TINAGL1: variants seen among roughly 807,000 people sequenced by gnomAD.
The protein encoded by TINAGL1 is tubulointerstitial nephritis antigen like 1.
In TINAGL1, 34 loss-of-function variants were observed where a neutral mutation model predicts 62.0. That is an observed-to-expected ratio of 0.55 (90% confidence interval 0.42 to 0.73). The LOEUF is 0.73. Among genes scored for constraint, TINAGL1 ranks in the 30% least tolerant of loss-of-function variants. TINAGL1 has a pLI of 0.00. For synonymous variants in TINAGL1, 221 were observed against 249.7 expected, an observed-to-expected ratio of 0.88 and a Z score of 1.08; for missense variants, 516 against 653.2, an observed-to-expected ratio of 0.79 and a Z score of 2.29.
Position 31,583,373 on chromosome 1 carries a change from C to T in TINAGL1, c.468-88C>T. On this transcript the variant is annotated intron_variant, in intron 4 of 11. Transcript: ENST00000271064. The surrounding 1 kb of genome is among the most constrained non-coding windows in gnomAD (Gnocchi z 4.4). ...ATTTGACTGTGTGTGCGCTCAGCCACTGTGCGTCTCTCCCACCCACATGCA... is the reference window on the plus strand; with the variant it reads ...ATTTGACTGTGTGTGCGCTCAGCCATTGTGCGTCTCTCCCACCCACATGCA... 1 of 1,464,968 alleles carries T rather than the reference C, an allele frequency of 6.8e-7. No individual in the cohort carries two copies. The highest frequency in any genetic ancestry group is 2.4e-5 in the East Asian group (1 of 42,376). 90.7% of individuals were successfully genotyped at this position (1,464,968 alleles called of 1,614,324 possible).
At position 31,584,897 on chromosome 1, in the gene TINAGL1, G is replaced by C. The variant is rs368629759; in HGVS notation, c.718G>C (p.Asp240His). Residue 240 changes from aspartate (D) to histidine (H), a missense_variant, in exon 7 of 12, where the codon GAT becomes CAT. Coordinates refer to ENST00000271064, the MANE Select transcript of TINAGL1 (RefSeq NM_022164.3). The surrounding 1 kb of genome is among the most constrained non-coding windows in gnomAD (Gnocchi z 4.0). The stretch of plus-strand genomic sequence containing the variant: ...TCTCACCCCACCAGCTGTGGCATCC[G>C]ATCGTGTCTCAATCCATTCTCTGGG... Reference protein sequence around the residue: ...WAFSTAAVASDRVSIHSLGHM... With the variant: ...WAFSTAAVASHRVSIHSLGHM... 1 of 1,610,352 alleles carries C rather than the reference G, an allele frequency of 6.2e-7. No homozygotes were observed. Among genetic ancestry groups the C allele is most frequent in the Non-Finnish European group, 8.5e-7 (1 of 1,177,014 alleles).
intron 3 of TINAGL1, chr1:31,580,514 C>T: frequency 7.8e-7 from 1 of 1,289,252 alleles, no homozygotes; most frequent in South Asian, 1.2e-5. Flanking sequence ...AGAGGGGGAA[C>T]AGCCTGGTGT....
intron 3 of TINAGL1, chr1:31,580,728 CAG>C (rs1242089267): frequency 2.4e-6 from 3 of 1,262,034 alleles, no homozygotes; most frequent in East Asian, 1.1e-4. Context: ...CTTGTAATAA[CAG>C]AGTTATGAGC....
chr1:31,577,325 C>A lies in TINAGL1; in HGVS notation c.177C>A (p.Ala59=). The change falls in exon 2 of 12, where the codon GCC becomes GCA. Residue 59 remains alanine (A), a synonymous_variant. Coordinates refer to ENST00000271064, the MANE Select transcript of TINAGL1 (RefSeq NM_022164.3). This position sits in a 1 kb window ranked among gnomAD's most constrained non-coding sequence, Gnocchi z 5.4. ...AGGACCTGTGCTGCCGCGGCCGTGC[C>A]GACGACTGTGCCCTGCCCTACCTGG... is the stretch of plus-strand genomic sequence containing the variant. ...QEQDLCCRGR[A]DDCALPYLGA... 6.2e-7 allele frequency: 1 copy of A among 1,613,844 alleles called. No individual in the cohort carries two copies. The highest frequency in any genetic ancestry group is 8.5e-7 in the Non-Finnish European group (1 of 1,180,024).
In TINAGL1 at chr1:31,583,559, A is replaced by G. The variant is rs752813475; in HGVS notation, c.566A>G (p.Asn189Ser). Residue 189 changes from asparagine to serine, a missense_variant, in exon 5 of 12, where the codon AAC becomes AGC. By Grantham distance (46) the Asn-to-Ser change is conservative. Transcript: ENST00000271064. The surrounding 1 kb of genome is among the most constrained non-coding windows in gnomAD (Gnocchi z 4.4). Reference sequence around the variant, plus strand: ...ATCCGCCCATCTTCCTCGGTCATGAACATGCATGAAATTTATGTAAGTCCA... The same window carrying G: ...ATCCGCCCATCTTCCTCGGTCATGAGCATGCATGAAATTTATGTAAGTCCA... ...GTIRPSSSVM[N>S]MHEIYTVLNP... The G allele has an allele frequency of 6.2e-7, 1 of 1,613,464 alleles. No homozygotes were observed. Among genetic ancestry groups the G allele is most frequent in the South Asian group, 1.1e-5 (1 of 90,896 alleles).
At chr1:31,582,108 T>A (rs1291813389) in intron 3 of TINAGL1, among the ~76,000 whole-genome samples, 2 of 152,062 alleles carry the variant, frequency 1.3e-5, no homozygotes, top group African/African-American at 4.8e-5. Context: ...GGCGGGTGGA[T>A]CACTTGAGGC....
chr1:31,577,642 T>C lies in TINAGL1; in HGVS notation c.310+184T>C. On this transcript the variant is annotated intron_variant, in intron 2 of 11. Transcript: ENST00000271064. This position sits in a 1 kb window ranked among gnomAD's most constrained non-coding sequence, Gnocchi z 5.4. ...ACTGAAGAAGCTCCTTGGTTAGAAT[T>C]CTAATTTGGCCCAGGGAAAGGGCAA... 1 of 694,784 alleles carries C rather than the reference T, an allele frequency of 1.4e-6. No individual in the cohort carries two copies. Among genetic ancestry groups the C allele is most frequent in the Non-Finnish European group, 2.3e-6 (1 of 436,184 alleles). The allele number at this position is 694,784 out of a possible 1,614,324, so 43.0% of individuals were successfully genotyped here.
At chr1:31,579,338 C>A in intron 3 of TINAGL1, 71 bp downstream of exon 3, 1 of 1,378,928 alleles carries the variant, frequency 7.3e-7, no homozygotes, top group Non-Finnish European at 1.0e-6. Flanking sequence ...CAAATCTTAT[C>A]CCTGACCCCT....
chr1:31,582,348 A>T (rs1285577641), intron 3 of TINAGL1, among the ~76,000 whole-genome samples: 1 of 151,308 alleles, frequency 6.6e-6, no homozygotes, highest in Non-Finnish European at 1.5e-5. Flanking sequence ...GCGGGGAGGA[A>T]GGGGAGCAGG....
Position 31,584,827 on chromosome 1 carries a change from C to A in TINAGL1, c.706+26C>A, listed in dbSNP as rs1253232035. The A allele has an allele frequency of 3.7e-6, 6 of 1,614,220 alleles. No homozygotes were observed. The highest frequency in any genetic ancestry group is 5.1e-6 in the Non-Finnish European group (6 of 1,179,998). On this transcript the variant is annotated intron_variant, in intron 6 of 11. Transcript: ENST00000271064. The surrounding 1 kb of genome is among the most constrained non-coding windows in gnomAD (Gnocchi z 4.0). ...GTAAGCCAAGGGCAAGGGCTGGCGC[C>A]TGGGAGAGGAGGGCCAAGTCCTGAG...
chr1:31,577,199 C>T lies in TINAGL1; in HGVS notation c.51C>T (p.His17=), dbSNP rs925600756. The change falls in exon 2 of 12, where the codon CAC becomes CAT. Residue 17 remains histidine, a synonymous_variant. Coordinates refer to ENST00000271064, the MANE Select transcript of TINAGL1 (RefSeq NM_022164.3). This position sits in a 1 kb window ranked among gnomAD's most constrained non-coding sequence, Gnocchi z 5.4. ...TGCTGTTGCTGCCGCTGGCTGGCCA[C>T]TTGGCTCTGGGTGCCCAGCAGGGTC... ...GLLLLLPLAG[H]LALGAQQGRG... 1.9e-6 allele frequency: 3 copies of T among 1,591,402 alleles called. No individual in the cohort carries two copies. Among genetic ancestry groups the T allele is most frequent in the Non-Finnish European group, 2.6e-6 (3 of 1,170,380 alleles).
At position 31,576,560 on chromosome 1, in the gene TINAGL1, C is replaced by A. The variant is rs1239456550; in HGVS notation, c.-51C>A. ...CGCAGAGCCAGGAGGCGGAGGCGCGCGGGCCAGCCTGGGCCCCAGCCCACA... is the reference window on the plus strand; with the variant it reads ...CGCAGAGCCAGGAGGCGGAGGCGCGAGGGCCAGCCTGGGCCCCAGCCCACA... On this transcript the variant is annotated 5_prime_UTR_variant, in exon 1 of 12. Transcript: ENST00000271064. The surrounding 1 kb of genome is among the most constrained non-coding windows in gnomAD (Gnocchi z 5.1). The A allele has an allele frequency of 6.6e-6, 1 of 152,394 alleles. No homozygotes were observed. The highest frequency in any genetic ancestry group is 1.5e-5 in the Non-Finnish European group (1 of 68,204). 9.4% of individuals were successfully genotyped at this position (152,394 alleles called of 1,614,324 possible). A position where few individuals can be genotyped will look rare whatever the true frequency, so the allele number is the denominator to read the frequency against.
rs1405629170 is a variant in TINAGL1, at chr1:31,585,953, T to TA, written c.1217+78dup. ...GGCTCTGGAGCCTGCCTTGGGTTCT[T>TA]ACAACCTCTCTAAAAAGCCAGGACT... On this transcript the variant is annotated intron_variant, in intron 10 of 11. Transcript: ENST00000271064. This position sits in a 1 kb window ranked among gnomAD's most constrained non-coding sequence, Gnocchi z 4.3. The TA allele has an allele frequency of 3.4e-6, 5 of 1,466,468 alleles. No homozygotes were observed. The highest frequency in any genetic ancestry group is 4.5e-6 in the Non-Finnish European group (5 of 1,105,220). 90.8% of individuals were successfully genotyped at this position (1,466,468 alleles called of 1,614,324 possible).
In TINAGL1 at chr1:31,584,457, A is replaced by ACCC; in HGVS notation, c.583-219_583-217dup. 1.3e-5 allele frequency: 7 copies of ACCC among 537,876 alleles called. No individual in the cohort carries two copies. The highest frequency in any genetic ancestry group is 1.1e-3 in the Middle Eastern group (2 of 1,782). 33.3% of individuals were successfully genotyped at this position (537,876 alleles called of 1,614,324 possible). A position where few individuals can be genotyped will look rare whatever the true frequency, so the allele number is the denominator to read the frequency against. ...GGAAGCAGGACTAGTCACCACCGCC[A>ACCC]CCCCGCCCCGCCCCACCACCTGATA... On this transcript the variant is annotated intron_variant, in intron 5 of 11. Transcript: ENST00000271064. This position sits in a 1 kb window ranked among gnomAD's most constrained non-coding sequence, Gnocchi z 4.0.
Position 31,584,675 on chromosome 1 carries a change from C to A in TINAGL1, c.583-3C>A. The A allele has an allele frequency of 6.2e-7, 1 of 1,613,240 alleles. No individual in the cohort carries two copies. The highest frequency in any genetic ancestry group is 1.3e-5 in the African/African-American group (1 of 75,042). On this transcript the variant is annotated splice_region_variant and splice_polypyrimidine_tract_variant and intron_variant, in intron 5 of 11. Coordinates refer to ENST00000271064, the MANE Select transcript of TINAGL1 (RefSeq NM_022164.3). The surrounding 1 kb of genome is among the most constrained non-coding windows in gnomAD (Gnocchi z 4.0). ...GGCAGACAGGGCAACCTTTATCTTG[C>A]AGACAGTGCTGAACCCAGGGGAGGT...
At chr1:31,580,462 G>C in intron 3 of TINAGL1, 1 of 1,289,300 alleles carries the variant, frequency 7.8e-7, no homozygotes, top group Non-Finnish European at 1.0e-6. Context: ...GCCCTCAAAG[G>C]ATGCTTCCAG....
chr1:31,586,996 CG>C lies in TINAGL1; in HGVS notation c.*21del. On this transcript the variant is annotated 3_prime_UTR_variant, in exon 12 of 12. Transcript: ENST00000271064. ...CATCACTGAGGCTGCGGGCACCACG[CG>C]GGGTCCGGCCTGGGATCCAGGCTAA... is the stretch of plus-strand genomic sequence containing the variant. 6.9e-7 allele frequency: 1 copy of C among 1,455,924 alleles called. No homozygotes were observed. The allele number at this position is 1,455,924 out of a possible 1,614,324, so 90.2% of individuals were successfully genotyped here. A position where few individuals can be genotyped will look rare whatever the true frequency, so the allele number is the denominator to read the frequency against.
intron 10 of TINAGL1, 164 bp from the exon 11 acceptor site, chr1:31,586,546 G>C: frequency 2.6e-6 from 2 of 762,864 alleles, no homozygotes; most frequent in Non-Finnish European, 4.5e-6. Flanking sequence ...TTACAGATGT[G>C]AGAGTGAGGG....
intron 3 of TINAGL1, chr1:31,580,177 C>CTG: frequency 3.3e-6 from 1 of 304,440 alleles, no homozygotes; most frequent in Non-Finnish European, 4.9e-6. Flanking sequence ...CTCTCTCTCT[C>CTG]TCTCTCTCTC....
Sources: allele counts gnomAD v4.1 joint callset (sites outside exome capture counted in the v4.1 genomes callset), GRCh38; gene constraint gnomAD v4.1.1; non-coding constraint Gnocchi (gnomAD v3.1); transcripts MANE v1.5; gene names NCBI Gene and HGNC (gene_info 2026-07-23, HGNC 2026-07-21).